The following CEP164 variants were observed in gnomAD, a reference collection of about 807,000 sequenced individuals.
CEP164 encodes the protein centrosomal protein 164, also known as centrosomal protein of 164 kDa.
In CEP164, 162 loss-of-function variants were observed where a neutral mutation model predicts 182.7. The observed-to-expected ratio is 0.89, with a 90% CI of 0.78 to 1.01. The LOEUF (loss-of-function observed/expected upper bound fraction) is 1.01, where lower values mean the gene tolerates loss of function less well. Ranked by LOEUF, CEP164 falls within the 50% of genes least tolerant of loss-of-function variation. CEP164 has a pLI of 0.00. For missense variants in CEP164, 1,735 were observed against 1,790.4 expected, an observed-to-expected ratio of 0.97 and a Z score of 0.56; for synonymous variants, 661 against 690.0, an observed-to-expected ratio of 0.96 and a Z score of 0.66.
At chr11:117,326,125 G>A (rs781218486), upstream of CEP164, among the ~76,000 whole-genome samples, 19 of 151,966 alleles carry the variant, frequency 1.3e-4, no homozygotes, top group Admixed American at 1.3e-4. Context: ...TGATCAGGTT[G>A]GTCTTTAACT....
intron 12 of CEP164, 25 bp from the exon 13 acceptor site, chr11:117,381,676 C>A: frequency 6.3e-7 from 1 of 1,597,076 alleles, no homozygotes; most frequent in East Asian, 2.3e-5. Context: ...GGGCCTGACT[C>A]TGCTGCTCTG....
chr11:117,362,306 C>G, intron 6 of CEP164, 98 bp from the exon 7 acceptor site: 1 of 1,338,592 alleles, frequency 7.5e-7, no homozygotes, highest in East Asian at 2.3e-5. Context: ...GGCACTTGAT[C>G]TGGGAGACAT....
At chr11:117,388,479 C>A (rs575513381) in intron 15 of CEP164, among the ~76,000 whole-genome samples, 2 of 152,216 alleles carry the variant, frequency 1.3e-5, no homozygotes, top group African/African-American at 2.4e-5. Flanking sequence ...TCTGTTTATG[C>A]CCAAGCCTTT....
intron 8 of CEP164, among the ~76,000 whole-genome samples, chr11:117,367,902 AGC>A (rs2041818595): frequency 6.6e-6 from 1 of 152,228 alleles, no homozygotes; most frequent in African/African-American, 2.4e-5. Context: ...ACATTTGCTT[AGC>A]TATTTTTCAT....
intron 26 of CEP164, 133 bp downstream of exon 26, chr11:117,396,744 G>A: frequency 7.8e-6 from 6 of 772,650 alleles, no homozygotes; most frequent in Non-Finnish European, 1.1e-5. Context: ...CATGGGGAAG[G>A]CTCCGGAGGA....
At chr11:117,345,988 T>C (rs1024923267) in intron 4 of CEP164, among the ~76,000 whole-genome samples, 1 of 152,130 alleles carries the variant, frequency 6.6e-6, no homozygotes, top group African/African-American at 2.4e-5. Context: ...GCCTGTTCTC[T>C]TGATCTTTTT....
chr11:117,354,942 C>T, intron 5 of CEP164: 1 of 1,283,646 alleles, frequency 7.8e-7, no homozygotes, highest in South Asian at 1.2e-5. Flanking sequence ...GAAACGCAGC[C>T]TGAGGAGGGA....
Position 117,395,132 on chromosome 11 carries a change from G to C in CEP164, c.2854G>C (p.Ala952Pro). The stretch of plus-strand genomic sequence containing the variant: ...GTCTCTTCCCTGCAAGGAGGAGACC[G>C]CCCGGAGGGAGAAGCAGCAGCTGCT... ...LALLEVQEET[A>P]RREKQQLLDV... The change falls in exon 23 of 33, where the codon GCC becomes CCC. Residue 952 changes from alanine to proline, a missense_variant. Transcript: ENST00000278935. 1.2e-6 allele frequency: 2 copies of C among 1,614,190 alleles called. No homozygotes were observed. Among genetic ancestry groups the C allele is most frequent in the Non-Finnish European group, 1.7e-6 (2 of 1,180,046 alleles).
chr11:117,395,597 C>A lies in CEP164; in HGVS notation c.2964C>A (p.Thr988=). Residue 988 remains threonine, a synonymous_variant, in exon 24 of 33, where the codon ACC becomes ACA. Coordinates refer to ENST00000278935, the MANE Select transcript of CEP164 (RefSeq NM_014956.5). ...QQLEEAQKEH[T]HLLQSNQQLR... ...TGGAGGAGGCACAGAAGGAGCACAC[C>A]CACCTGTTGCAGTCAAACCAGCAGC... 1 of 1,613,882 alleles carries A rather than the reference C, an allele frequency of 6.2e-7. No individual in the cohort carries two copies. Among genetic ancestry groups the A allele is most frequent in the East Asian group, 2.2e-5 (1 of 44,874 alleles).
At chr11:117,388,765 TTCTC>T (rs1198379779) in intron 15 of CEP164, among the ~76,000 whole-genome samples, 7 of 114,544 alleles carry the variant, frequency 6.1e-5, no homozygotes, top group African/African-American at 2.3e-4. Context: ...AATTCAAATT[TTCTC>T]TCTTTTTTTT....
intron 14 of CEP164, among the ~76,000 whole-genome samples, chr11:117,383,862 C>A (rs1439462484): frequency 1.3e-5 from 2 of 152,144 alleles, no homozygotes; most frequent in African/African-American, 4.8e-5. Flanking sequence ...ATGGCGAAAC[C>A]CCGTCTCTAC....
At chr11:117,356,006 A>G in intron 5 of CEP164, 1 of 1,137,466 alleles carries the variant, frequency 8.8e-7, no homozygotes, top group Non-Finnish European at 1.1e-6. Context: ...GGAGAGCAGC[A>G]GCAGCAGCAG....
intron 3 of CEP164, among the ~76,000 whole-genome samples, chr11:117,338,957 ACAGGCGTGCACCAC>A (rs2037639758): frequency 6.6e-6 from 1 of 151,898 alleles, no homozygotes; most frequent in East Asian, 1.9e-4. Context: ...AGCTGGGATT[ACAGGCGTGCACCAC>A]CACACCTGGC....
At chr11:117,363,386 C>G (rs764300163) in intron 7 of CEP164, 43 bp from the exon 8 acceptor site, 1 of 1,455,362 alleles carries the variant, frequency 6.9e-7, no homozygotes, top group East Asian at 2.3e-5. Context: ...CTGGGTTGAC[C>G]AGTTTCTTCA....
In CEP164 at chr11:117,409,523, G is replaced by A; in HGVS notation, c.3749-95G>A. On this transcript the variant is annotated intron_variant, in intron 29 of 32. Transcript: ENST00000278935. The surrounding 1 kb of genome is among the most constrained non-coding windows in gnomAD (Gnocchi z 4.4). ...GCTGTTGTCTGGAGAAGCAGGGAGG[G>A]GTGGCCAGTAGGGTCCTCCATGACA... The A allele has an allele frequency of 9.2e-7, 1 of 1,090,512 alleles. No homozygotes were observed. The highest frequency in any genetic ancestry group is 1.3e-6 in the Non-Finnish European group (1 of 750,504). The allele number at this position is 1,090,512 out of a possible 1,614,324, so 67.6% of individuals were successfully genotyped here. A position where few individuals can be genotyped will look rare whatever the true frequency, so the allele number is the denominator to read the frequency against.
rs2041021703 is a variant in CEP164 at position 117,361,872 on chromosome 11, T to C, written c.431T>C (p.Leu144Pro). The C allele has an allele frequency of 2.5e-6, 4 of 1,614,236 alleles. No individual in the cohort carries two copies. The highest frequency in any genetic ancestry group is 3.4e-6 in the Non-Finnish European group (4 of 1,180,040). Residue 144 changes from leucine to proline, a missense_variant, in exon 6 of 33, where the codon CTT becomes CCT. By Grantham distance (98) the Leu-to-Pro change is moderately conservative (BLOSUM62 -3). Transcript: ENST00000278935. Reference protein sequence around the residue: ...GSSLAPVHVPLGGLAPLRGLV... With the variant: ...GSSLAPVHVPPGGLAPLRGLV... The stretch of plus-strand genomic sequence containing the variant: ...TCATTAGCCCCAGTTCATGTTCCTC[T>C]TGGGGGCCTGGCTCCTTTACGAGGT...
intron 8 of CEP164, among the ~76,000 whole-genome samples, chr11:117,363,759 CTTTTTTTTTTTTTTT>C (rs72255760): frequency 1.7e-5 from 1 of 58,440 alleles, no homozygotes; most frequent in Admixed American, 2.2e-4. Context: ...ACCTCCAATG[CTTTTTTTTTTTTTTT>C]TTTTTTTTTT....
intron 1 of CEP164, among the ~76,000 whole-genome samples, chr11:117,333,349 C>A (rs980516707): frequency 1.3e-5 from 2 of 151,994 alleles, no homozygotes; most frequent in African/African-American, 4.8e-5. Context: ...CCTCTGTTAC[C>A]ACTCCAACTC....
Position 117,344,240 on chromosome 11 carries a change from G to A in CEP164, c.157G>A (p.Gly53Ser). Residue 53 changes from glycine to serine, a missense_variant, in exon 4 of 33, where the codon GGC becomes AGC. By Grantham distance (56) the Gly-to-Ser change is moderately conservative. Coordinates refer to ENST00000278935, the MANE Select transcript of CEP164 (RefSeq NM_014956.5). ...AGAACTGATGTGGCTGGCGCGAGAG[G>A]GCATCGTGGCCCCACTGCCTGGAGA... is the stretch of plus-strand genomic sequence containing the variant. ...EPELMWLARE[G>S]IVAPLPGEWK... 1 of 1,613,380 alleles carries A rather than the reference G, an allele frequency of 6.2e-7. No individual in the cohort carries two copies. Among genetic ancestry groups the A allele is most frequent in the Non-Finnish European group, 8.5e-7 (1 of 1,179,704 alleles).
Sources: gnomAD v4.1 joint callset for allele counts (sites outside exome capture counted in the v4.1 genomes callset) on GRCh38, gnomAD v4.1.1 for gene constraint, Gnocchi (gnomAD v3.1) non-coding constraint, MANE v1.5 for transcripts, NCBI Gene and HGNC (gene_info 2026-07-23, HGNC 2026-07-21) for gene names.